RPS18: variants seen among roughly 807,000 people sequenced by gnomAD.
The protein encoded by RPS18 is ribosomal protein S18, also known as small ribosomal subunit protein uS13.
For synonymous variants in RPS18, 64 were observed against 70.9 expected, an observed-to-expected ratio of 0.90 and a Z score of 0.49; for missense variants, 49 against 200.8, an observed-to-expected ratio of 0.24 and a Z score of 4.57.
At chr6:33,276,322 GCT>G (rs1765621484) in intron 5 of RPS18, 55 bp downstream of exon 5, 1 of 1,603,858 alleles carries the variant, frequency 6.2e-7, no homozygotes, top group African/African-American at 1.3e-5. Context: ...CCTCCTACTC[GCT>G]CTTCTTTTTC....
chr6:33,272,503 G>A (rs1405763884), intron 1 of RPS18, 125 bp from the exon 2 acceptor site: 1 of 731,824 alleles, frequency 1.4e-6, no homozygotes, highest in Non-Finnish European at 2.5e-6. Flanking sequence ...TAAGGAATGG[G>A]GGGCGGGTGT....
chr6:33,275,420 G>A, intron 2 of RPS18: 1 of 238,850 alleles, frequency 4.2e-6, no homozygotes, highest in Non-Finnish European at 8.4e-6. Flanking sequence ...CTAGGTTCAA[G>A]CTATTCTGCT....
intron 2 of RPS18, among the ~76,000 whole-genome samples, chr6:33,274,144 C>T (rs1372233217): frequency 6.6e-6 from 1 of 152,328 alleles, no homozygotes; most frequent in Admixed American, 6.5e-5. Context: ...TCTTAAACTT[C>T]TGACCTCAGG....
intron 1 of RPS18, 54 bp downstream of exon 1, chr6:33,272,176 A>T (rs771412115): frequency 2.6e-6 from 4 of 1,550,714 alleles, no homozygotes; most frequent in Non-Finnish European, 3.5e-6. Flanking sequence ...GGGCAAGGAA[A>T]GCCGGCTGTC....
chr6:33,272,997 G>C (rs113928798), intron 2 of RPS18, among the ~76,000 whole-genome samples: 5,979 of 152,294 alleles, frequency 0.039, 197 homozygotes, highest in African/African-American at 0.087. Flanking sequence ...ACCCGAATTC[G>C]CTAAGATTTT....
chr6:33,275,681 G>A lies in RPS18; in HGVS notation c.103-116G>A, dbSNP rs958772481. ...AGGTGGGTGAGGAAAGGGTGACCTA[G>A]GGGATTGCAAAATAGATTATTGCAG... On this transcript the variant is annotated intron_variant, in intron 2 of 5. Coordinates refer to ENST00000439602, the MANE Select transcript of RPS18 (RefSeq NM_022551.3). 9.1e-6 allele frequency: 7 copies of A among 769,856 alleles called. No individual in the cohort carries two copies. The African/African-American group carries it at 1.2e-4, about 13-fold the overall frequency. The allele number at this position is 769,856 out of a possible 1,614,324, so 47.7% of individuals were successfully genotyped here. A position where few individuals can be genotyped will look rare whatever the true frequency, so the allele number is the denominator to read the frequency against.
At chr6:33,272,773 T>A (rs757483860) in intron 2 of RPS18, 47 bp downstream of exon 2, 13 of 951,190 alleles carry the variant, frequency 1.4e-5, no homozygotes, top group Non-Finnish European at 2.1e-5. Context: ...GAGAATTGGG[T>A]TGTGAAGACA....
At chr6:33,273,704 A>T (rs1210787028) in intron 2 of RPS18, among the ~76,000 whole-genome samples, 1 of 152,222 alleles carries the variant, frequency 6.6e-6, no homozygotes, top group Non-Finnish European at 1.5e-5. Context: ...GATGTATCTA[A>T]CTAAAAATTA....
chr6:33,274,614 C>G (rs539999358), intron 2 of RPS18, among the ~76,000 whole-genome samples: 1 of 152,328 alleles, frequency 6.6e-6, no homozygotes, highest in South Asian at 2.1e-4. Context: ...CCTACCTTGC[C>G]TCTTCCTGTC....
chr6:33,273,120 T>C (rs1252733138), intron 2 of RPS18, among the ~76,000 whole-genome samples: 1 of 152,182 alleles, frequency 6.6e-6, no homozygotes, highest in African/African-American at 2.4e-5. Flanking sequence ...TGGAGGATTA[T>C]TGGGCATCTT....
chr6:33,275,467 C>A lies in RPS18; in HGVS notation c.103-330C>A, dbSNP rs1429833485. On this transcript the variant is annotated intron_variant, in intron 2 of 5. Transcript: ENST00000439602. The stretch of plus-strand genomic sequence containing the variant: ...AGTAGCTGGGATTACAGGCACCTGC[C>A]ACCATGCTCAGCAACTTTTCTTGTA... 1.0e-5 allele frequency: 3 copies of A among 294,318 alleles called. No individual in the cohort carries two copies. The East Asian group carries it at 2.6e-4, about 25-fold the overall frequency. The allele number at this position is 294,318 out of a possible 1,614,324, so 18.2% of individuals were successfully genotyped here. A position where few individuals can be genotyped will look rare whatever the true frequency, so the allele number is the denominator to read the frequency against.
Position 33,276,396 on chromosome 6 carries a change from G to A in RPS18, c.389G>A (p.Arg130His). ...TCTTCTCTTTTTACCTGCAGCCTTCGTGTCCGAGGCCAGCACACCAAGACC... is the reference window on the plus strand; with the variant it reads ...TCTTCTCTTTTTACCTGCAGCCTTCATGTCCGAGGCCAGCACACCAAGACC... The part of the protein sequence containing the change: ...HRGLRHFWGL[R>H]VRGQHTKTTG... The change falls in exon 6 of 6, where the codon CGT (arginine) becomes CAT (histidine). Residue 130 changes from arginine to histidine, a missense_variant. By Grantham distance (29) the Arg-to-His change is conservative. Coordinates refer to ENST00000439602, the MANE Select transcript of RPS18 (RefSeq NM_022551.3). 1 of 1,613,872 alleles carries A rather than the reference G, an allele frequency of 6.2e-7. No homozygotes were observed. Among genetic ancestry groups the A allele is most frequent in the Non-Finnish European group, 8.5e-7 (1 of 1,179,904 alleles).
At position 33,276,376 on chromosome 6, in the gene RPS18, T is replaced by C; in HGVS notation, c.384-15T>C. 6.2e-7 allele frequency: 1 copy of C among 1,613,908 alleles called. No homozygotes were observed. The highest frequency in any genetic ancestry group is 8.5e-7 in the Non-Finnish European group (1 of 1,179,806). On this transcript the variant is annotated splice_polypyrimidine_tract_variant and intron_variant, in intron 5 of 5. Coordinates refer to ENST00000439602, the MANE Select transcript of RPS18 (RefSeq NM_022551.3). ...TGCTGTGCATGACCTGTGACTCTTC[T>C]CTTTTTACCTGCAGCCTTCGTGTCC...
chr6:33,272,839 C>A (rs1765325749), intron 2 of RPS18, 113 bp downstream of exon 2: 1 of 721,146 alleles, frequency 1.4e-6, no homozygotes, highest in Non-Finnish European at 2.6e-6. Flanking sequence ...ATCACCTTGA[C>A]TGCTGGATTA....
In RPS18 at chr6:33,274,256, C is replaced by T. The variant is rs530722556; in HGVS notation, c.102+1530C>T. Among the ~76,000 whole-genome samples, 18 of 152,230 alleles carry T rather than the reference C, an allele frequency of 1.2e-4. No homozygotes were observed. In the East Asian group the frequency reaches 2.5e-3, roughly 21 times the overall value. On this transcript the variant is annotated intron_variant, in intron 2 of 5. Transcript: ENST00000439602. ...GAGACTGTCGCCCAGGCTGGAGTGG[C>T]GGAATCACTCTTCACTGCAGCCTCG...
intron 2 of RPS18, among the ~76,000 whole-genome samples, chr6:33,275,129 A>G (rs192315738): frequency 6.6e-4 from 101 of 152,282 alleles, no homozygotes; most frequent in Middle Eastern, 3.4e-3. Flanking sequence ...CCTGTAACTC[A>G]TAAGACCCTG....
chr6:33,273,257 G>GA (rs1167326747), intron 2 of RPS18, among the ~76,000 whole-genome samples: 1 of 152,212 alleles, frequency 6.6e-6, no homozygotes, highest in Non-Finnish European at 1.5e-5. Flanking sequence ...GTCGAAGTGT[G>GA]AAGGAGTACA....
chr6:33,272,867 A>G (rs1459572565), intron 2 of RPS18, 141 bp downstream of exon 2: 13 of 663,392 alleles, frequency 2.0e-5, no homozygotes, highest in Non-Finnish European at 3.3e-5. Context: ...AAAGTGGTTT[A>G]GGGAGAGACT....
intron 1 of RPS18, 54 bp from the exon 2 acceptor site, chr6:33,272,574 T>TA: frequency 1.2e-6 from 1 of 844,012 alleles, no homozygotes; most frequent in Non-Finnish European, 2.1e-6. Flanking sequence ...TTATCGGCCT[T>TA]ACTGTTTGAT....
Sources: gnomAD v4.1 joint callset for allele counts (sites outside exome capture counted in the v4.1 genomes callset) on GRCh38, gnomAD v4.1.1 for gene constraint, MANE v1.5 for transcripts, NCBI Gene and HGNC (gene_info 2026-07-23, HGNC 2026-07-21) for gene names.